Variants in PRKD1 observed in about 807,000 individuals in gnomAD.
The protein encoded by PRKD1 is serine/threonine-protein kinase D1.
Under a neutral mutation model 95.9 loss-of-function variants are expected in PRKD1, and 63 were observed. The observed-to-expected ratio is 0.66, with a 90% CI of 0.54 to 0.81. The LOEUF is 0.81. Ranked by LOEUF, PRKD1 falls within the 30% of genes least tolerant of loss-of-function variation. The pLI is 0.00. For missense variants in PRKD1, 1,048 were observed against 1,165.3 expected, an observed-to-expected ratio of 0.90 and a Z score of 1.47; for synonymous variants, 425 against 423.1, an observed-to-expected ratio of 1.00 and a Z score of -0.05.
chr14:29,738,832 CTT>C (rs71443330), intron 1 of PRKD1, among the ~76,000 whole-genome samples: 23 of 137,420 alleles, frequency 1.7e-4, no homozygotes, highest in East Asian at 2.1e-4. Context: ...TTTCTTTTTT[CTT>C]TTTTTTTTTT....
intron 4 of PRKD1, among the ~76,000 whole-genome samples, chr14:29,641,824 A>G (rs899586920): frequency 6.1e-5 from 9 of 148,360 alleles, no homozygotes; most frequent in African/African-American, 1.8e-4. Context: ...ATTTATCTAT[A>G]TTTATCAATA....
chr14:29,883,346 A>T (rs1663586854), intron 1 of PRKD1, among the ~76,000 whole-genome samples: 1 of 152,212 alleles, frequency 6.6e-6, no homozygotes, highest in South Asian at 2.1e-4. Flanking sequence ...CAGTGTCTCC[A>T]GTTTCTTTCA....
At chr14:29,849,605 C>T (rs1237685789) in intron 1 of PRKD1, among the ~76,000 whole-genome samples, 3 of 151,248 alleles carry the variant, frequency 2.0e-5, no homozygotes, top group African/African-American at 7.3e-5. Flanking sequence ...TCAGAAAACG[C>T]CCTAAACAGA....
chr14:29,640,842 T>C (rs1880711691), intron 4 of PRKD1, among the ~76,000 whole-genome samples: 1 of 152,206 alleles, frequency 6.6e-6, no homozygotes, highest in African/African-American at 2.4e-5. Flanking sequence ...GCTGGACAAA[T>C]CACTGTTCAG....
intron 4 of PRKD1, among the ~76,000 whole-genome samples, chr14:29,641,580 T>C (rs1253195814): frequency 1.3e-5 from 2 of 152,194 alleles, no homozygotes; most frequent in South Asian, 4.1e-4. Flanking sequence ...TTCAATTCTA[T>C]GTTTCTGGGA....
At chr14:29,779,333 G>C (rs998915132) in intron 1 of PRKD1, among the ~76,000 whole-genome samples, 90 of 152,176 alleles carry the variant, frequency 5.9e-4, no homozygotes, top group African/African-American at 2.1e-3. Flanking sequence ...ATTAGGAAAA[G>C]AGGAAGTCAA....
At chr14:29,586,665 G>C (rs921138617) in intron 16 of PRKD1, among the ~76,000 whole-genome samples, 1 of 152,082 alleles carries the variant, frequency 6.6e-6, no homozygotes, top group Non-Finnish European at 1.5e-5. Context: ...TTTTGAGACG[G>C]AGTTTTGCTC....
At chr14:29,726,117 G>A (rs1886129500) in intron 1 of PRKD1, among the ~76,000 whole-genome samples, 1 of 151,272 alleles carries the variant, frequency 6.6e-6, no homozygotes, top group Non-Finnish European at 1.5e-5. Flanking sequence ...TGTCTGTTTT[G>A]GCATATTCAA....
At chr14:29,702,736 A>G (rs554186335) in intron 2 of PRKD1, among the ~76,000 whole-genome samples, 11 of 152,252 alleles carry the variant, frequency 7.2e-5, no homozygotes, top group African/African-American at 2.2e-4. Context: ...AATGTCCTTT[A>G]GCGAAGTAAT....
At chr14:29,689,007 A>G (rs1445858709) in intron 2 of PRKD1, among the ~76,000 whole-genome samples, 2 of 151,326 alleles carry the variant, frequency 1.3e-5, no homozygotes, top group African/African-American at 2.4e-5. Context: ...AAGTATAAAA[A>G]CCCCAGAAGA....
At chr14:29,660,413 T>C (rs28649470) in intron 4 of PRKD1, among the ~76,000 whole-genome samples, 5,519 of 152,294 alleles carry the variant, frequency 0.036, 290 homozygotes, top group African/African-American at 0.12. Context: ...ACATTTTGGG[T>C]TGGATACTTC....
chr14:29,644,788 C>T (rs192081787), intron 4 of PRKD1, among the ~76,000 whole-genome samples: 1 of 151,794 alleles, frequency 6.6e-6, no homozygotes, highest in African/African-American at 2.4e-5. Flanking sequence ...ATAAACTATA[C>T]ATTTTATACA....
chr14:29,609,736 T>C (rs1878321639), intron 13 of PRKD1, among the ~76,000 whole-genome samples: 1 of 136,424 alleles, frequency 7.3e-6, no homozygotes, highest in Non-Finnish European at 1.6e-5. Flanking sequence ...TTTTTGTACT[T>C]TTAGTAGAGA....
intron 1 of PRKD1, among the ~76,000 whole-genome samples, chr14:29,890,303 T>A (rs1236520477): frequency 1.3e-5 from 2 of 152,190 alleles, no homozygotes; most frequent in Non-Finnish European, 2.9e-5. Context: ...AATCTCTGGA[T>A]GGCATCTTTG....
intron 1 of PRKD1, among the ~76,000 whole-genome samples, chr14:29,885,078 G>A (rs897776291): frequency 7.5e-5 from 11 of 147,414 alleles, no homozygotes; most frequent in African/African-American, 2.8e-4. Flanking sequence ...AGCCGAGATC[G>A]CACCACTGCA....
chr14:29,720,260 G>A (rs1885820725), intron 2 of PRKD1, among the ~76,000 whole-genome samples: 1 of 152,110 alleles, frequency 6.6e-6, no homozygotes. Flanking sequence ...TTTTACAGAT[G>A]AGGAAACGTG....
chr14:29,901,661 A>G (rs1320661649), intron 1 of PRKD1, among the ~76,000 whole-genome samples: 1 of 152,220 alleles, frequency 6.6e-6, no homozygotes, highest in Admixed American at 6.5e-5. Context: ...ATTTGCATCT[A>G]TATCAACAGT....
intron 1 of PRKD1, among the ~76,000 whole-genome samples, chr14:29,802,172 G>GAA (rs140015932): frequency 6.8e-6 from 1 of 146,358 alleles, no homozygotes; most frequent in African/African-American, 2.5e-5. Flanking sequence ...CTACATTTCT[G>GAA]AAAAAAAAAA....
At chr14:29,734,652 GAGCCCT>G (rs1170223233) in intron 1 of PRKD1, among the ~76,000 whole-genome samples, 1 of 152,096 alleles carries the variant, frequency 6.6e-6, no homozygotes, top group Non-Finnish European at 1.5e-5. Flanking sequence ...AGCCCTATGA[GAGCCCT>G]AGGAAGTGGT....
Sources: allele counts gnomAD v4.1 joint callset (sites outside exome capture counted in the v4.1 genomes callset), GRCh38; gene constraint gnomAD v4.1.1; transcripts MANE v1.5; gene names NCBI Gene and HGNC (gene_info 2026-07-23, HGNC 2026-07-21).